The following PHF23 variants were observed in gnomAD, a reference collection of about 807,000 sequenced individuals.
PHF23 encodes the protein PDH-containing protein JUNE-1.
PHF23 carries 3 observed loss-of-function variants against 36.0 expected under a neutral mutation model. The observed-to-expected ratio is 0.08, with a 90% CI of 0.04 to 0.22. The LOEUF (loss-of-function observed/expected upper bound fraction) is 0.22, where lower values mean the gene tolerates loss of function less well. PHF23 is among the 10% of genes least tolerant of loss of function. The pLI is 1.00. For synonymous variants in PHF23, 242 were observed against 192.5 expected, an observed-to-expected ratio of 1.26 and a Z score of -2.13; for missense variants, 475 against 513.6, an observed-to-expected ratio of 0.92 and a Z score of 0.73.
Position 7,235,622 on chromosome 17 carries a change from G to A in PHF23, c.*4C>T. 6.2e-7 allele frequency: 1 copy of A among 1,612,170 alleles called. No homozygotes were observed. The highest frequency in any genetic ancestry group is 8.5e-7 in the Non-Finnish European group (1 of 1,179,920). ...TTGGAAGTTCCAGGCTAAAGTTGGT[G>A]CCATCAGGGCTCTCCAGATTTGGGA... On this transcript the variant is annotated 3_prime_UTR_variant, in exon 5 of 5. Transcript: ENST00000320316.
Position 7,237,650 on chromosome 17 carries a change from C to A in PHF23, c.45G>T (p.Pro15=). The A allele has an allele frequency of 6.2e-7, 1 of 1,613,850 alleles. No individual in the cohort carries two copies. The highest frequency in any genetic ancestry group is 8.5e-7 in the Non-Finnish European group (1 of 1,179,904). ...TCACCTGAGTCTCTGGCTTAAGGGT[C>A]GGAGGTGGATCTGGAAAAGCAATAA... is the stretch of plus-strand genomic sequence containing the variant. ...MAEPSPEDPP[P]TLKPETQPPE... The change falls in exon 2 of 5, where the codon CCG becomes CCT. Residue 15 remains proline, a synonymous_variant. Coordinates refer to ENST00000320316, the MANE Select transcript of PHF23 (RefSeq NM_024297.3).
intron 1 of PHF23, chr17:7,238,497 C>A: frequency 1.2e-6 from 1 of 813,236 alleles, no homozygotes; most frequent in Non-Finnish European, 1.5e-6. Flanking sequence ...CTGGCCCCTT[C>A]CCCCCAACCA....
At position 7,235,567 on chromosome 17, in the gene PHF23, T is replaced by C. The variant is rs1016814085; in HGVS notation, c.*59A>G. The C allele has an allele frequency of 3.8e-6, 6 of 1,565,698 alleles. No individual in the cohort carries two copies. The highest frequency in any genetic ancestry group is 2.2e-5 in the East Asian group (1 of 44,708). On this transcript the variant is annotated 3_prime_UTR_variant, in exon 5 of 5. Transcript: ENST00000320316. ...GCTCCAGGGGATAGGCTGAGGACCC[T>C]GAGGCTCAGTTCCCAAATCATGTTG... is the stretch of plus-strand genomic sequence containing the variant.
rs2071699991 is a variant in PHF23, at chr17:7,237,775, G to GC, written c.35-116dup. 3.3e-6 allele frequency: 4 copies of GC among 1,218,040 alleles called. No homozygotes were observed. The African/African-American group carries it at 6.0e-5, about 18-fold the overall frequency. 75.5% of individuals were successfully genotyped at this position (1,218,040 alleles called of 1,614,324 possible). A position where few individuals can be genotyped will look rare whatever the true frequency, so the allele number is the denominator to read the frequency against. ...CTGCTCTCCCAGGTCCCTCTGCCAG[G>GC]CCAGCAGGCCCCCAGCTGTGTTGGA... is the stretch of plus-strand genomic sequence containing the variant. On this transcript the variant is annotated intron_variant, in intron 1 of 4. Transcript: ENST00000320316.
chr17:7,239,746 GCGCGCGCAGGC>G (rs1465498467), upstream of PHF23: 1 of 153,804 alleles, frequency 6.5e-6, no homozygotes, highest in African/African-American at 2.4e-5. Flanking sequence ...GAGCGGAAGT[GCGCGCGCAGGC>G]CCCTGGGAGA....
intron 1 of PHF23, chr17:7,238,068 C>A: frequency 9.5e-6 from 2 of 209,554 alleles, no homozygotes; most frequent in Non-Finnish European, 1.9e-5. Context: ...CGCGCTCCAC[C>A]GCCTCGGGCC....
rs1317052760 is a variant in PHF23, at chr17:7,236,028, C to CT, written c.898dup (p.Ser300LysfsTer8). On this transcript the variant is annotated frameshift_variant, in exon 4 of 5. Coordinates refer to ENST00000320316, the MANE Select transcript of PHF23 (RefSeq NM_024297.3). LOFTEE classifies it high-confidence loss of function. This position sits in a 1 kb window ranked among gnomAD's most constrained non-coding sequence, Gnocchi z 5.1. ...TGTTTCAGTGCTGCCCACCTCCTTG[C>CT]TTTCACTGTCAGCAGGAGGGACTCC... 1 of 1,613,890 alleles carries CT rather than the reference C, an allele frequency of 6.2e-7. No individual in the cohort carries two copies. Among genetic ancestry groups the CT allele is most frequent in the Non-Finnish European group, 8.5e-7 (1 of 1,179,934 alleles).
intron 4 of PHF23, 21 bp downstream of exon 4, chr17:7,235,909 G>T: frequency 1.9e-6 from 3 of 1,611,520 alleles, no homozygotes; most frequent in South Asian, 1.1e-5. Context: ...CAAACCCCTC[G>T]CCCCAGCCCG....
upstream of PHF23, chr17:7,240,747 T>C: frequency 1.3e-6 from 1 of 754,654 alleles, no homozygotes; most frequent in East Asian, 2.5e-5. Flanking sequence ...GTGCCGGTCC[T>C]GAATAAGGGA....
Position 7,239,430 on chromosome 17 carries a change from A to G in PHF23, c.-151T>C. 2.6e-6 allele frequency: 1 copy of G among 390,154 alleles called. No individual in the cohort carries two copies. The allele number at this position is 390,154 out of a possible 1,614,324, so 24.2% of individuals were successfully genotyped here. A position where few individuals can be genotyped will look rare whatever the true frequency, so the allele number is the denominator to read the frequency against. The stretch of plus-strand genomic sequence containing the variant: ...CTCGAGTCCGCTAGCCGCTGCCGCC[A>G]CCTCCCTCTACCACTGCCTCCCGCA... On this transcript the variant is annotated 5_prime_UTR_variant, in exon 1 of 5. Transcript: ENST00000320316.
Position 7,236,198 on chromosome 17 carries a change from A to C in PHF23, c.729T>G (p.Ser243Arg). Residue 243 changes from serine to arginine, a missense_variant, in exon 4 of 5, where the codon AGT (serine) becomes AGG (arginine). Around this residue, in one of 5 missense-constraint regions of PHF23, gnomAD observed 350 missense variants for 319.8 expected, o/e 1.09. Transcript: ENST00000320316. The surrounding 1 kb of genome is among the most constrained non-coding windows in gnomAD (Gnocchi z 5.1). Reference protein sequence around the residue: ...PPPGPPQAPPSDTDSEEEEEE... With the variant: ...PPPGPPQAPPRDTDSEEEEEE... ...CCTCCTCCTCTTCAGAGTCTGTATCACTGGGGGGTGCCTGGGGAGGCCCAG... is the reference window on the plus strand; with the variant it reads ...CCTCCTCCTCTTCAGAGTCTGTATCCCTGGGGGGTGCCTGGGGAGGCCCAG... 1 of 1,612,450 alleles carries C rather than the reference A, an allele frequency of 6.2e-7. No homozygotes were observed. The highest frequency in any genetic ancestry group is 8.5e-7 in the Non-Finnish European group (1 of 1,179,242).
rs1419011659 is a variant in PHF23 at position 7,236,685 on chromosome 17, G to A, written c.242C>T (p.Pro81Leu). ...AGTCTGGATGGTTCGAAGATCTGAGGGGGCCGAGTCCCAGCCATCACTGTC... is the reference window on the plus strand; with the variant it reads ...AGTCTGGATGGTTCGAAGATCTGAGAGGGCCGAGTCCCAGCCATCACTGTC... ...AADSDGWDSA[P>L]SDLRTIQTFV... The change falls in exon 4 of 5, where the codon CCC becomes CTC. Residue 81 changes from proline to leucine, a missense_variant. Around this residue, in one of 5 missense-constraint regions of PHF23, gnomAD observed 350 missense variants for 319.8 expected, o/e 1.09. Coordinates refer to ENST00000320316, the MANE Select transcript of PHF23 (RefSeq NM_024297.3). The surrounding 1 kb of genome is among the most constrained non-coding windows in gnomAD (Gnocchi z 5.1). 2 of 1,614,036 alleles carry A rather than the reference G, an allele frequency of 1.2e-6. No individual in the cohort carries two copies. The highest frequency in any genetic ancestry group is 3.3e-5 in the Admixed American group (2 of 60,022).
intron 1 of PHF23, 30 bp from the exon 2 acceptor site, chr17:7,237,690 C>T (rs745767403): frequency 1.9e-6 from 3 of 1,612,808 alleles, no homozygotes; most frequent in African/African-American, 1.3e-5. Flanking sequence ...TGAGTCAAGA[C>T]ACTAGGAACA....
Position 7,235,610 on chromosome 17 carries a change from G to T in PHF23, c.*16C>A. On this transcript the variant is annotated 3_prime_UTR_variant, in exon 5 of 5. Transcript: ENST00000320316. ...TCATGTTGTCATTTGGAAGTTCCAG[G>T]CTAAAGTTGGTGCCATCAGGGCTCT... 1 of 1,610,366 alleles carries T rather than the reference G, an allele frequency of 6.2e-7. No homozygotes were observed.
intron 4 of PHF23, 25 bp from the exon 5 acceptor site, chr17:7,235,865 T>TA: frequency 6.2e-7 from 1 of 1,614,040 alleles, no homozygotes; most frequent in Non-Finnish European, 8.5e-7. Context: ...GTTTGTTTGG[T>TA]ATTCTGCCTG....
chr17:7,240,457 AC>A (rs2071764311), upstream of PHF23: 5 of 176,840 alleles, frequency 2.8e-5, no homozygotes, highest in South Asian at 3.9e-4. Context: ...TGTGCCTCCT[AC>A]CTTCCCCCCA....
At chr17:7,238,018 G>C in intron 1 of PHF23, 1 of 196,844 alleles carries the variant, frequency 5.1e-6, no homozygotes, top group Non-Finnish European at 9.0e-6. Flanking sequence ...AGCCGCCCCC[G>C]TCCTTCACAC....
upstream of PHF23, chr17:7,240,695 C>T (rs2071766458): frequency 1.7e-6 from 1 of 605,472 alleles, no homozygotes; most frequent in East Asian, 2.7e-5. Flanking sequence ...CACCATTACC[C>T]CTCCTAAGAG....
intron 1 of PHF23, chr17:7,237,979 G>A (rs2142996724): frequency 4.1e-6 from 1 of 245,524 alleles, no homozygotes; most frequent in Non-Finnish European, 7.1e-6. Flanking sequence ...CCACCGTACC[G>A]CTCCCGGGGC....
Sources: gnomAD v4.1 joint callset for allele counts on GRCh38, gnomAD v4.1.1 for gene constraint, gnomAD v4.1.1 regional missense constraint, Gnocchi (gnomAD v3.1) non-coding constraint, MANE v1.5 for transcripts, NCBI Gene and HGNC (gene_info 2026-07-23, HGNC 2026-07-21) for gene names.